The following PAK6 variants were observed in gnomAD, a reference collection of about 807,000 sequenced individuals.
PAK6 encodes p21 (RAC1) activated kinase 6.
PAK6 carries 33 observed loss-of-function variants against 60.8 expected under a neutral mutation model. The observed-to-expected ratio is 0.54, with a 90% CI of 0.41 to 0.73. The LOEUF (loss-of-function observed/expected upper bound fraction) is 0.73, where lower values mean the gene tolerates loss of function less well. Ranked by LOEUF, PAK6 falls within the 30% of genes least tolerant of loss-of-function variation. The pLI is 0.00. For synonymous variants in PAK6, 404 were observed against 378.5 expected (o/e 1.07, Z -0.78); for missense variants, 845 against 904.1 (o/e 0.93, Z 0.84).
In PAK6 at chr15:40,253,925, A is replaced by AG. The variant is rs369519672; in HGVS notation, c.-6+641dup. On this transcript the variant is annotated intron_variant, in intron 3 of 10. Transcript: ENST00000560346. ...TTTTCTGACTTGTTTTTCTGGGTGA[A>AG]GGGGGCAGAGGGGCTCAGGTCTGTG... 2.0e-3 allele frequency among the ~76,000 whole-genome samples: 306 copies of AG among 152,058 alleles called. 2 individuals carry two copies. The highest frequency in any genetic ancestry group is 6.9e-3 in the African/African-American group (288 of 41,468).
In PAK6 at chr15:40,241,051, C is replaced by T. The variant is rs142760657; in HGVS notation, c.-118+370C>T. Among the ~76,000 whole-genome samples the T allele has an allele frequency of 2.5e-3, 375 of 152,270 alleles. 7 individuals are homozygous for T. The highest frequency in any genetic ancestry group is 0.021 in the Admixed American group (323 of 15,290). On this transcript the variant is annotated intron_variant, in intron 2 of 10. Coordinates refer to ENST00000560346, the Ensembl canonical transcript of PAK6. ...ATATTTAGGGAGCACTGCTGGGTCC[C>T]AGGCTCCAAGTCACACCCTTTGGCT...
chr15:40,272,726 G>A lies in PAK6; in HGVS notation c.1356+5G>A, dbSNP rs56387458. ...AGGGAGCTGCTCTTCAACGAGGTGGGAGGACAGGGTGGGACACAGACGGGG... is the reference window on the plus strand; with the variant it reads ...AGGGAGCTGCTCTTCAACGAGGTGGAAGGACAGGGTGGGACACAGACGGGG... On this transcript the variant is annotated splice_donor_5th_base_variant and intron_variant, in intron 6 of 10. Coordinates refer to ENST00000560346, the Ensembl canonical transcript of PAK6. 7.1e-5 allele frequency: 112 copies of A among 1,584,056 alleles called. 1 individual carries two copies. The South Asian group carries it at 1.1e-3, about 15-fold the overall frequency.
At chr15:40,274,164 T>A in exon 10 of PAK6, 1 of 1,614,056 alleles carries the variant, frequency 6.2e-7, no homozygotes, top group Non-Finnish European at 8.5e-7. Flanking sequence ...TCTCTGGGCA[T>A]CATGGTGATT....
chr15:40,247,971 C>A (rs113884947), intron 2 of PAK6, among the ~76,000 whole-genome samples: 2 of 152,176 alleles, frequency 1.3e-5, no homozygotes, highest in African/African-American at 2.4e-5. Flanking sequence ...CCTTTCACCC[C>A]GTTTGGGGGT....
At chr15:40,263,224 T>C (rs2039029575) in intron 3 of PAK6, among the ~76,000 whole-genome samples, 1 of 152,214 alleles carries the variant, frequency 6.6e-6, no homozygotes, top group South Asian at 2.1e-4. Flanking sequence ...ATGACGGCCC[T>C]GCACTCCAGA....
At chr15:40,267,600 C>G (rs566559962) in intron 5 of PAK6, among the ~76,000 whole-genome samples, 1 of 152,038 alleles carries the variant, frequency 6.6e-6, no homozygotes, top group Non-Finnish European at 1.5e-5. Context: ...CAGAGCTTGC[C>G]GTGAGCTGAG....
chr15:40,252,605 G>A, intron 2 of PAK6: 2 of 1,350,954 alleles, frequency 1.5e-6, no homozygotes, highest in Non-Finnish European at 2.0e-6. Context: ...GCCCCTCCTC[G>A]GCGTTCCCGC....
chr15:40,257,903 C>T (rs142488151), intron 3 of PAK6, among the ~76,000 whole-genome samples: 29 of 152,300 alleles, frequency 1.9e-4, no homozygotes, highest in Admixed American at 7.2e-4. Flanking sequence ...CAGTAGCATC[C>T]GCCACAAAAC....
intron 2 of PAK6, chr15:40,252,383 G>A (rs2038698142): frequency 7.5e-7 from 1 of 1,326,164 alleles, no homozygotes; most frequent in Non-Finnish European, 9.9e-7. Flanking sequence ...GCCCGGAGGC[G>A]AAGGGCGGGC....
intron 2 of PAK6, chr15:40,252,399 C>A (rs1176778960): frequency 2.2e-6 from 3 of 1,342,010 alleles, no homozygotes; most frequent in African/African-American, 3.0e-5. Flanking sequence ...CGGGCGGGAA[C>A]TGGGGCCAAG....
At chr15:40,270,765 C>T (rs1307607356) in intron 5 of PAK6, among the ~76,000 whole-genome samples, 1 of 152,256 alleles carries the variant, frequency 6.6e-6, no homozygotes, top group Non-Finnish European at 1.5e-5. Context: ...CAAGCACACA[C>T]TCGGGTGGGC....
chr15:40,267,563 G>A (rs1221065116), intron 5 of PAK6, among the ~76,000 whole-genome samples: 1 of 152,238 alleles, frequency 6.6e-6, no homozygotes, highest in Admixed American at 6.5e-5. Context: ...GGAGGCTGAG[G>A]CAGGAGAATG....
chr15:40,267,843 G>T (rs985291910), intron 5 of PAK6, among the ~76,000 whole-genome samples: 1 of 152,306 alleles, frequency 6.6e-6, no homozygotes, highest in South Asian at 2.1e-4. Context: ...GAAAACCAAC[G>T]TAAGATCAGG....
At chr15:40,251,817 A>C (rs948592099) in intron 2 of PAK6, 1 of 152,642 alleles carries the variant, frequency 6.6e-6, no homozygotes, top group Non-Finnish European at 1.5e-5. Flanking sequence ...CTGTACCCCA[A>C]AAGAAACATG....
intron 3 of PAK6, 121 bp from the exon 4 acceptor site, chr15:40,264,660 C>T (rs2039070747): frequency 5.0e-6 from 4 of 792,316 alleles, no homozygotes; most frequent in Non-Finnish European, 8.5e-6. Context: ...GGAGGGAAGC[C>T]CTAGGCTTCT....
intron 2 of PAK6, among the ~76,000 whole-genome samples, chr15:40,243,082 G>T (rs1175932654): frequency 6.6e-6 from 1 of 152,186 alleles, no homozygotes; most frequent in Admixed American, 6.5e-5. Flanking sequence ...CCAACTCTGG[G>T]TCCAACTCAT....
chr15:40,274,238 C>T (rs2039387526), exon 10 of PAK6: 6 of 1,612,582 alleles, frequency 3.7e-6, no homozygotes, highest in African/African-American at 1.3e-5. Flanking sequence ...GAAGAGGCTC[C>T]GGGACAGCCC....
chr15:40,275,433 G>A (rs534928435), intron 10 of PAK6, among the ~76,000 whole-genome samples: 40 of 151,586 alleles, frequency 2.6e-4, no homozygotes, highest in Admixed American at 4.6e-4. Flanking sequence ...TTACAGGCAC[G>A]TGCCACCATG....
chr15:40,267,405 C>A (rs2039173604), intron 5 of PAK6, among the ~76,000 whole-genome samples: 1 of 152,202 alleles, frequency 6.6e-6, no homozygotes. Flanking sequence ...CGTCTGTAGT[C>A]CCAGCACTTT....
Sources: gnomAD v4.1 joint callset for allele counts (sites outside exome capture counted in the v4.1 genomes callset) on GRCh38, gnomAD v4.1.1 for gene constraint, MANE v1.5 for transcripts, NCBI Gene and HGNC (gene_info 2026-07-23, HGNC 2026-07-21) for gene names.